KANSL1L: variants seen among roughly 807,000 people sequenced by gnomAD.
The protein encoded by KANSL1L is KAT8 regulatory NSL complex subunit 1-like protein.
A neutral mutation model predicts 108.6 loss-of-function variants in KANSL1L; 25 were observed. That is an observed-to-expected ratio of 0.23 (90% CI 0.17 to 0.32). The LOEUF (loss-of-function observed/expected upper bound fraction) is 0.32. Ranked by LOEUF, KANSL1L falls within the 10% of genes least tolerant of loss-of-function variation. The probability of loss-of-function intolerance (pLI) is 1.00; values close to 1 mark genes in which losing one functional copy is unlikely to be tolerated. For missense variants in KANSL1L, 1,137 were observed against 1,125.7 expected, an observed-to-expected ratio of 1.01 and a Z score of -0.14; for synonymous variants, 405 against 395.1, an observed-to-expected ratio of 1.03 and a Z score of -0.30.
intron 1 of KANSL1L, among the ~76,000 whole-genome samples, chr2:210,168,684 T>C (rs149467778): frequency 9.0e-4 from 137 of 152,178 alleles, no homozygotes; most frequent in Middle Eastern, 3.4e-3. Flanking sequence ...CTATGAGAAG[T>C]TAATTGACCT....
intron 2 of KANSL1L, among the ~76,000 whole-genome samples, chr2:210,143,467 AG>A (rs2095244360): frequency 6.6e-6 from 1 of 152,072 alleles, no homozygotes; most frequent in East Asian, 1.9e-4. Flanking sequence ...TGATAGGTAA[AG>A]GTTTATTATT....
At chr2:210,070,665 G>A (rs2094501111) in intron 6 of KANSL1L, among the ~76,000 whole-genome samples, 1 of 152,112 alleles carries the variant, frequency 6.6e-6, no homozygotes, top group Non-Finnish European at 1.5e-5. Context: ...TAGTTTGCTA[G>A]GTGTGTCATA....
chr2:210,100,981 TA>T (rs1235126427), intron 4 of KANSL1L, among the ~76,000 whole-genome samples: 1 of 152,232 alleles, frequency 6.6e-6, no homozygotes, highest in Non-Finnish European at 1.5e-5. Context: ...ACTTGGCCTA[TA>T]AAAAGCATTA....
At chr2:210,079,016 T>C (rs904357133) in intron 5 of KANSL1L, among the ~76,000 whole-genome samples, 47 of 152,100 alleles carry the variant, frequency 3.1e-4, no homozygotes, top group African/African-American at 1.0e-3. Flanking sequence ...AGTAGAACAA[T>C]TGTAGCTCAC....
At chr2:210,056,489 A>G (rs2094352160) in intron 6 of KANSL1L, among the ~76,000 whole-genome samples, 2 of 152,026 alleles carry the variant, frequency 1.3e-5, no homozygotes, top group African/African-American at 4.8e-5. Context: ...TGAGCTAAAT[A>G]TCTTTTTTTG....
At chr2:210,095,150 T>A (rs899032990) in intron 5 of KANSL1L, among the ~76,000 whole-genome samples, 2 of 152,100 alleles carry the variant, frequency 1.3e-5, no homozygotes, top group Non-Finnish European at 2.9e-5. Flanking sequence ...CCTCCATAAC[T>A]TTGTGATAAG....
intron 2 of KANSL1L, among the ~76,000 whole-genome samples, chr2:210,141,982 T>A: frequency 6.6e-6 from 1 of 152,100 alleles, no homozygotes; most frequent in African/African-American, 2.4e-5. Context: ...ACAAAGGACA[T>A]TGGCCTATAA....
chr2:210,027,187 C>A, intron 12 of KANSL1L, 109 bp downstream of exon 12: 1 of 649,274 alleles, frequency 1.5e-6, no homozygotes, highest in Non-Finnish European at 2.7e-6. Flanking sequence ...AGAAAAAAAT[C>A]AGTGTAAGTT....
chr2:210,085,419 T>TA (rs1290087505), intron 5 of KANSL1L, among the ~76,000 whole-genome samples: 2 of 152,172 alleles, frequency 1.3e-5, no homozygotes, highest in African/African-American at 4.8e-5. Flanking sequence ...GCTCTTAACT[T>TA]AAAGTGGGAC....
Position 210,154,018 on chromosome 2 carries a change from T to A in KANSL1L, c.565A>T (p.Lys189Ter). 1 of 1,613,978 alleles carries A rather than the reference T, an allele frequency of 6.2e-7. No homozygotes were observed. The highest frequency in any genetic ancestry group is 8.5e-7 in the Non-Finnish European group (1 of 1,180,000). The change falls in exon 2 of 15, where the codon AAA becomes TAA. Residue 189 changes from lysine to a stop codon, truncating the protein, a stop_gained. Coordinates refer to ENST00000281772, the MANE Select transcript of KANSL1L (RefSeq NM_152519.4). LOFTEE classifies it high-confidence loss of function. Reference protein sequence around the residue: ...LLDKVTDAEIKKGLLHCTQKK... With the variant: ...LLDKVTDAEI ...TGAGTACAGTGCAATAAACCCTTTT[T>A]AATCTCAGCATCAGTAACTTTATCC...
Position 210,063,742 on chromosome 2 carries a change from C to T in KANSL1L, c.1755+11810G>A, listed in dbSNP as rs558270085. 5.3e-5 allele frequency: 8 copies of T among 152,206 alleles called. No homozygotes were observed. In the East Asian group the frequency reaches 1.4e-3, roughly 26 times the overall value. The allele number at this position is 152,206 out of a possible 1,614,324, so 9.4% of individuals were successfully genotyped here. A position where few individuals can be genotyped will look rare whatever the true frequency, so the allele number is the denominator to read the frequency against. ...CATATTTACCCAATGACTGTACCCT[C>T]ATTGTATCTATGAAGTAACCAACCT... On this transcript the variant is annotated intron_variant, in intron 6 of 14. Coordinates refer to ENST00000281772, the MANE Select transcript of KANSL1L (RefSeq NM_152519.4).
intron 2 of KANSL1L, among the ~76,000 whole-genome samples, chr2:210,138,579 T>TA (rs2095196999): frequency 6.6e-6 from 1 of 152,222 alleles, no homozygotes; most frequent in African/African-American, 2.4e-5. Flanking sequence ...CATTGGGACT[T>TA]ACGCTTTTTA....
chr2:210,119,412 C>T (rs1473770629), intron 3 of KANSL1L, among the ~76,000 whole-genome samples: 1 of 152,078 alleles, frequency 6.6e-6, no homozygotes, highest in Non-Finnish European at 1.5e-5. Flanking sequence ...AGGCAAATAT[C>T]CCTGATTATA....
chr2:210,059,243 TC>T (rs1191490194), intron 6 of KANSL1L, among the ~76,000 whole-genome samples: 2 of 152,064 alleles, frequency 1.3e-5, no homozygotes, highest in Non-Finnish European at 2.9e-5. Flanking sequence ...AGGAAGCCAT[TC>T]TAGCTAATGC....
intron 3 of KANSL1L, among the ~76,000 whole-genome samples, chr2:210,115,625 T>C (rs1449858867): frequency 6.6e-6 from 1 of 152,180 alleles, no homozygotes; most frequent in Non-Finnish European, 1.5e-5. Context: ...TGACAGAAGT[T>C]TGCACAGATG....
intron 3 of KANSL1L, among the ~76,000 whole-genome samples, chr2:210,114,673 G>A (rs993509022): frequency 1.3e-5 from 2 of 151,872 alleles, no homozygotes; most frequent in Non-Finnish European, 2.9e-5. Context: ...TGGTAACTTT[G>A]GTTTGCAGCT....
Position 210,097,377 on chromosome 2 carries a change from G to T in KANSL1L, c.1550+709C>A, listed in dbSNP as rs139102946. 12 of 771,910 alleles carry T rather than the reference G, an allele frequency of 1.6e-5. No homozygotes were observed. In the Admixed American group the frequency reaches 5.0e-4, roughly 32 times the overall value. The allele number at this position is 771,910 out of a possible 1,614,324, so 47.8% of individuals were successfully genotyped here. ...CCCAAAATTACACTTAGTTCTCTAT[G>T]GTAATTAAAGCAAAGAAGCCAACAT... On this transcript the variant is annotated intron_variant, in intron 5 of 14. Transcript: ENST00000281772.
At chr2:210,156,841 A>G (rs912313761) in intron 1 of KANSL1L, among the ~76,000 whole-genome samples, 8 of 152,206 alleles carry the variant, frequency 5.3e-5, no homozygotes, top group African/African-American at 1.9e-4. Context: ...GAAAAAAATT[A>G]TAGATGTTTG....
At chr2:210,170,464 A>G (rs1688267496) in intron 1 of KANSL1L, 1 of 827,900 alleles carries the variant, frequency 1.2e-6, no homozygotes, top group Non-Finnish European at 1.5e-6. Context: ...TGGTTTCTGA[A>G]ACGGCCAGGA....
Sources: allele counts gnomAD v4.1 joint callset (sites outside exome capture counted in the v4.1 genomes callset), GRCh38; gene constraint gnomAD v4.1.1; transcripts MANE v1.5; gene names NCBI Gene and HGNC (gene_info 2026-07-23, HGNC 2026-07-21).